Variants in PLCXD1 observed in about 807,000 individuals in gnomAD.
PLCXD1 encodes PI-PLC X domain-containing protein 1.
Under a neutral mutation model 37.8 loss-of-function variants are expected in PLCXD1, and 45 were observed. The ratio of observed to expected loss-of-function variants is 1.19; its 90% confidence interval spans 0.94 to 1.53. PLCXD1 has a LOEUF of 1.53. Ranked by LOEUF, PLCXD1 falls within the 40% of genes most tolerant of loss-of-function variation. PLCXD1 has a pLI of 0.00. For missense variants in PLCXD1, 539 were observed against 454.7 expected (o/e 1.19, Z -1.69); for synonymous variants, 246 against 206.9 (o/e 1.19, Z -1.62).
At chrX:282,963 T>C (rs1165912896) in intron 1 of PLCXD1, among the ~76,000 whole-genome samples, 1 of 146,256 alleles carries the variant, frequency 6.8e-6, no homozygotes, top group Non-Finnish European at 1.5e-5. Flanking sequence ...ATATTATATA[T>C]GTATATATTA....
In PLCXD1 at chrX:283,876, CTCT is replaced by C. The variant is rs762119580; in HGVS notation, c.-21-289_-21-287del. 277 of 192,490 alleles carry C rather than the reference CTCT, an allele frequency of 1.4e-3. 1 individual carries two copies. In the East Asian group the frequency reaches 0.018, roughly 12 times the overall value. 11.9% of individuals were successfully genotyped at this position (192,490 alleles called of 1,614,324 possible). A position where few individuals can be genotyped will look rare whatever the true frequency, so the allele number is the denominator to read the frequency against. On this transcript the variant is annotated intron_variant, in intron 1 of 6. Coordinates refer to ENST00000381657, the MANE Select transcript of PLCXD1 (RefSeq NM_018390.4). Reference sequence around the variant, plus strand: ...AGGACCCCTTTTCCTCTCTCTCTCTCTCTTTTTTTTTTTTCTTTTTTGGATATG... The same window carrying C: ...AGGACCCCTTTTCCTCTCTCTCTCTCTTTTTTTTTTTCTTTTTTGGATATG...
chrX:285,299 TACAC>T (rs1319681161), intron 2 of PLCXD1, among the ~76,000 whole-genome samples: 4 of 151,950 alleles, frequency 2.6e-5, no homozygotes, highest in East Asian at 1.9e-4. Flanking sequence ...TGGATGCACA[TACAC>T]ATGCATGCAC....
chrX:283,872 C>T (rs1180899846), intron 1 of PLCXD1: 2 of 205,344 alleles, frequency 9.7e-6, no homozygotes, highest in Non-Finnish European at 1.9e-5. Context: ...TCCTCTCTCT[C>T]TCTCTCTTTT....
Position 288,801 on chromosome X carries a change from C to A in PLCXD1, c.196C>A (p.Leu66Met), listed in dbSNP as rs750122329. Residue 66 changes from leucine (L) to methionine (M), a missense_variant, in exon 3 of 7, where the codon CTG becomes ATG. Transcript: ENST00000381657. Reference sequence around the variant, plus strand: ...CATTTCGCACGAGGAGTCCCGGCTGCTGCAGCTGCTGAACAAGGCCTTGCC... The same window carrying A: ...CATTTCGCACGAGGAGTCCCGGCTGATGCAGCTGCTGAACAAGGCCTTGCC... ...SPISHEESRL[L>M]QLLNKALPCI... The A allele has an allele frequency of 1.2e-6, 2 of 1,613,684 alleles. No homozygotes were observed.
rs920996734 is a variant in PLCXD1, at chrX:300,062, A to G, written c.*727A>G. Reference sequence around the variant, plus strand: ...AGCGAGACTCCATCTCAAAAAAAAAAAAAAAAAAAAAGATGGGGTCTCTCT... The same window carrying G: ...AGCGAGACTCCATCTCAAAAAAAAAGAAAAAAAAAAAGATGGGGTCTCTCT... On this transcript the variant is annotated 3_prime_UTR_variant, in exon 7 of 7. Transcript: ENST00000381657. The G allele has an allele frequency of 1.3e-5, 2 of 152,584 alleles. No individual in the cohort carries two copies. The highest frequency in any genetic ancestry group is 2.9e-5 in the Non-Finnish European group (2 of 68,666). 9.5% of individuals were successfully genotyped at this position (152,584 alleles called of 1,614,324 possible). A position where few individuals can be genotyped will look rare whatever the true frequency, so the allele number is the denominator to read the frequency against.
At chrX:296,557 A>G (rs1181026586) in intron 6 of PLCXD1, among the ~76,000 whole-genome samples, 1 of 152,228 alleles carries the variant, frequency 6.6e-6, no homozygotes, top group Non-Finnish European at 1.5e-5. Context: ...GCTTCTTCAA[A>G]TATGGCTTGC....
intron 3 of PLCXD1, among the ~76,000 whole-genome samples, chrX:290,290 C>T (rs192416571): frequency 0.073 from 11,167 of 151,988 alleles, 1,087 homozygotes; most frequent in African/African-American, 0.22. Context: ...ATTAGCTGGG[C>T]GCGGTGGCGG....
At chrX:283,513 G>C (rs1385093648) in intron 1 of PLCXD1, 14 of 152,294 alleles carry the variant, frequency 9.2e-5, no homozygotes, top group African/African-American at 3.4e-4. Flanking sequence ...TGTTCCACAC[G>C]CCTGAGGGTA....
chrX:291,187 C>G (rs2069623362), intron 4 of PLCXD1, among the ~76,000 whole-genome samples: 1 of 151,482 alleles, frequency 6.6e-6, no homozygotes, highest in Admixed American at 6.6e-5. Flanking sequence ...GCTGTGTCGC[C>G]CAGGCTGGAG....
In PLCXD1 at chrX:293,103, C is replaced by T. The variant is rs772191185; in HGVS notation, c.618C>T (p.Ser206=). Residue 206 remains serine (S), a synonymous_variant, in exon 6 of 7, where the codon AGC becomes AGT. Coordinates refer to ENST00000381657, the MANE Select transcript of PLCXD1 (RefSeq NM_018390.4). The part of the protein sequence containing the change: ...QQVIVSYEDE[S]SLRRHHELWP... Reference sequence around the variant, plus strand: ...TCATCGTCTCCTATGAAGACGAGAGCTCCTTGCGCCGGCACCACGAGCTGT... The same window carrying T: ...TCATCGTCTCCTATGAAGACGAGAGTTCCTTGCGCCGGCACCACGAGCTGT... 1 of 1,612,038 alleles carries T rather than the reference C, an allele frequency of 6.2e-7. No individual in the cohort carries two copies. The highest frequency in any genetic ancestry group is 8.5e-7 in the Non-Finnish European group (1 of 1,179,608).
At chrX:278,202 A>G (rs186084691), upstream of PLCXD1, among the ~76,000 whole-genome samples, 60,016 of 121,670 alleles carry the variant, frequency 0.49, 15,924 homozygotes, top group East Asian at 0.63. Flanking sequence ...ACAGGAGGGG[A>G]CACCCCTCAG....
At chrX:285,898 A>G (rs890097902) in intron 2 of PLCXD1, among the ~76,000 whole-genome samples, 1 of 152,270 alleles carries the variant, frequency 6.6e-6, no homozygotes, top group Non-Finnish European at 1.5e-5. Context: ...GTGGAGAACA[A>G]CGTCGAGACG....
At position 284,319 on chromosome X, in the gene PLCXD1, G is replaced by T; in HGVS notation, c.127+5G>T. On this transcript the variant is annotated splice_donor_5th_base_variant and intron_variant, in intron 2 of 6. Transcript: ENST00000381657. ...TCCACCACCTCTCCATCCCAGGTGA[G>T]GTTGGGGTGGGGCAGGGGCCGTTGC... is the stretch of plus-strand genomic sequence containing the variant. 6 of 1,612,882 alleles carry T rather than the reference G, an allele frequency of 3.7e-6. No individual in the cohort carries two copies. The highest frequency in any genetic ancestry group is 5.1e-6 in the Non-Finnish European group (6 of 1,179,824).
rs1287290679 is a variant in PLCXD1 at position 299,727 on chromosome X, A to G, written c.*392A>G. The G allele has an allele frequency of 1.1e-5, 3 of 279,936 alleles. No homozygotes were observed. The highest frequency in any genetic ancestry group is 6.7e-5 in the African/African-American group (3 of 45,028). 17.3% of individuals were successfully genotyped at this position (279,936 alleles called of 1,614,324 possible). ...AGCTGACATCGTGCCACTGCACTCC[A>G]GTCTGAATGATAGACCGAGACTCCA... is the stretch of plus-strand genomic sequence containing the variant. On this transcript the variant is annotated 3_prime_UTR_variant, in exon 7 of 7. Transcript: ENST00000381657.
chrX:283,923 C>T (rs2069362161), intron 1 of PLCXD1: 2 of 371,436 alleles, frequency 5.4e-6, no homozygotes, highest in East Asian at 4.5e-5. Context: ...CTCTTGTTGC[C>T]CAGCCTGGAG....
At position 293,166 on chromosome X, in the gene PLCXD1, G is replaced by A. The variant is rs760238714; in HGVS notation, c.681G>A (p.Lys227=). 4.3e-6 allele frequency: 7 copies of A among 1,612,704 alleles called. No individual in the cohort carries two copies. Among genetic ancestry groups the A allele is most frequent in the African/African-American group, 2.7e-5 (2 of 74,906 alleles). The part of the protein sequence containing the change: ...GVPYWWGNRV[K]TEALIRYLET... Reference sequence around the variant, plus strand: ...CCTACTGGTGGGGAAACAGGGTGAAGACCGAGGCCCTCATCCGATACCTGG... The same window carrying A: ...CCTACTGGTGGGGAAACAGGGTGAAAACCGAGGCCCTCATCCGATACCTGG... Residue 227 remains lysine (K), a synonymous_variant, in exon 6 of 7, where the codon AAG becomes AAA. Coordinates refer to ENST00000381657, the MANE Select transcript of PLCXD1 (RefSeq NM_018390.4).
At position 299,371 on chromosome X, in the gene PLCXD1, A is replaced by C; in HGVS notation, c.*36A>C. On this transcript the variant is annotated 3_prime_UTR_variant, in exon 7 of 7. Coordinates refer to ENST00000381657, the MANE Select transcript of PLCXD1 (RefSeq NM_018390.4). ...CTGAAGTTCGGGACGCGGCGGCTGC[A>C]GTTTCACCCCCGAATTTCCAAGTAT... 7.0e-7 allele frequency: 1 copy of C among 1,433,634 alleles called. No individual in the cohort carries two copies. The highest frequency in any genetic ancestry group is 9.8e-7 in the Non-Finnish European group (1 of 1,015,740). The allele number at this position is 1,433,634 out of a possible 1,614,324, so 88.8% of individuals were successfully genotyped here.
intron 5 of PLCXD1, among the ~76,000 whole-genome samples, chrX:291,882 C>T (rs758505562): frequency 1.2e-4 from 18 of 152,212 alleles, no homozygotes; most frequent in African/African-American, 4.3e-4. Context: ...ATGTGTGCAG[C>T]GTCAGCCGGG....
At chrX:291,094 C>T (rs942563803) in intron 4 of PLCXD1, among the ~76,000 whole-genome samples, 4 of 151,822 alleles carry the variant, frequency 2.6e-5, no homozygotes, top group African/African-American at 9.7e-5. Flanking sequence ...GTCACCTATA[C>T]ACCAGACAGG....
Sources: gnomAD v4.1 joint callset for allele counts (sites outside exome capture counted in the v4.1 genomes callset) on GRCh38, gnomAD v4.1.1 for gene constraint, MANE v1.5 for transcripts, NCBI Gene and HGNC (gene_info 2026-07-23, HGNC 2026-07-21) for gene names.